Variants in MAP3K4 observed in about 807,000 individuals in gnomAD.
MAP3K4 encodes mitogen-activated protein kinase kinase kinase 4, also known as MAP three kinase 1.
In MAP3K4, 67 loss-of-function variants were observed where a neutral mutation model predicts 185.6. That is an observed-to-expected ratio of 0.36 (90% CI 0.30 to 0.44). The LOEUF is 0.44. MAP3K4 is among the 20% of genes least tolerant of loss of function. The pLI, the probability that MAP3K4 is intolerant of heterozygous loss-of-function variation, is 1.00. For synonymous variants in MAP3K4, 702 were observed against 710.4 expected (o/e 0.99, Z 0.19); for missense variants, 1,551 against 1,995.1 (o/e 0.78, Z 4.24).
chr6:161,042,819 C>A (rs1337432938), intron 2 of MAP3K4, among the ~76,000 whole-genome samples: 1 of 152,082 alleles, frequency 6.6e-6, no homozygotes, highest in Non-Finnish European at 1.5e-5. Context: ...TTTTGCATTT[C>A]TATTCTAGCA....
rs181574250 is a variant in MAP3K4 at position 160,999,015 on chromosome 6, G to A, written c.152+6932G>A. Among the ~76,000 whole-genome samples, 53 of 152,318 alleles carry A rather than the reference G, an allele frequency of 3.5e-4. 1 individual carries two copies. The highest frequency in any genetic ancestry group is 1.2e-3 in the African/African-American group (50 of 41,570). On this transcript the variant is annotated intron_variant, in intron 1 of 26. Transcript: ENST00000392142. ...GTTTCATGGGTCATATGGATGCCAC[G>A]TGTTTATAAATTAGCAGGGAAAGCT...
rs190359142 is a variant in MAP3K4 at position 161,104,355 on chromosome 6, G to A, written c.3856+1576G>A. Among the ~76,000 whole-genome samples the A allele has an allele frequency of 1.1e-3, 156 of 148,384 alleles. 2 individuals are homozygous for A. The highest frequency in any genetic ancestry group is 3.1e-3 in the African/African-American group (124 of 39,940). ...CTTGAACCCAGGAGGCAGAGGTTGC[G>A]GTGGGCTGAGATCGCGCCATCACAC... On this transcript the variant is annotated intron_variant, in intron 19 of 26. Transcript: ENST00000392142.
At chr6:160,993,407 A>G (rs813708) in intron 1 of MAP3K4, among the ~76,000 whole-genome samples, 3 of 152,162 alleles carry the variant, frequency 2.0e-5, no homozygotes, top group African/African-American at 4.8e-5. Context: ...AAAATAGGCC[A>G]TTGTCTTTAT....
chr6:161,094,093 A>T (rs1282768862), intron 15 of MAP3K4, among the ~76,000 whole-genome samples: 1 of 152,232 alleles, frequency 6.6e-6, no homozygotes, highest in Non-Finnish European at 1.5e-5. Flanking sequence ...GTATTCAATT[A>T]CACATTTCTT....
At chr6:161,059,862 C>CT (rs34694172) in intron 3 of MAP3K4, among the ~76,000 whole-genome samples, 79,257 of 146,678 alleles carry the variant, frequency 0.54, 21,333 homozygotes, top group South Asian at 0.65. Flanking sequence ...TTCCCCCTGC[C>CT]TTTTTTTTTT....
At chr6:161,089,777 T>C (rs1015761593) in intron 11 of MAP3K4, among the ~76,000 whole-genome samples, 5 of 152,236 alleles carry the variant, frequency 3.3e-5, no homozygotes, top group Non-Finnish European at 5.9e-5. Flanking sequence ...TCATTCCCAG[T>C]GTAAATTTCA....
At chr6:161,031,501 T>A (rs939667091) in intron 1 of MAP3K4, among the ~76,000 whole-genome samples, 2 of 152,190 alleles carry the variant, frequency 1.3e-5, no homozygotes, top group Non-Finnish European at 2.9e-5. Context: ...TCTTTATTTA[T>A]TTTTAAAAAA....
chr6:161,020,246 A>C (rs1782313491), intron 1 of MAP3K4, among the ~76,000 whole-genome samples: 1 of 151,464 alleles, frequency 6.6e-6, no homozygotes, highest in Non-Finnish European at 1.5e-5. Flanking sequence ...TGAGAACCTA[A>C]TGAAAACTAT....
At chr6:161,047,074 A>C (rs907044868) in intron 2 of MAP3K4, among the ~76,000 whole-genome samples, 1 of 145,640 alleles carries the variant, frequency 6.9e-6, no homozygotes, top group African/African-American at 2.5e-5. Context: ...ATTTAAAGAG[A>C]TCTTTTATAC....
chr6:160,998,861 A>G (rs1423878134), intron 1 of MAP3K4, among the ~76,000 whole-genome samples: 1 of 152,182 alleles, frequency 6.6e-6, no homozygotes, highest in African/African-American at 2.4e-5. Context: ...ACCCCTGCAG[A>G]TCTCACACTG....
rs1450456268 is a variant in MAP3K4 at position 161,071,424 on chromosome 6, CAT to C, written c.1950+577_1950+578del. 6.6e-6 allele frequency among the ~76,000 whole-genome samples: 1 copy of C among 152,106 alleles called. No individual in the cohort carries two copies. Among genetic ancestry groups the C allele is most frequent in the African/African-American group, 2.4e-5 (1 of 41,404 alleles). ...CTGTATTTATTATTTATGATATTAA[CAT>C]ATTGATATTCACCATATAAAGTAAA... On this transcript the variant is annotated intron_variant, in intron 4 of 26. Transcript: ENST00000392142. This position sits in a 1 kb window ranked among gnomAD's most constrained non-coding sequence, Gnocchi z 4.6.
At chr6:161,013,480 A>G (rs1041896851) in intron 1 of MAP3K4, among the ~76,000 whole-genome samples, 27 of 152,222 alleles carry the variant, frequency 1.8e-4, no homozygotes, top group African/African-American at 6.3e-4. Flanking sequence ...CTTTAATGCT[A>G]GAAACCCCAA....
At position 161,008,577 on chromosome 6, in the gene MAP3K4, A is replaced by C. The variant is rs754321705; in HGVS notation, c.152+16494A>C. 1.7e-4 allele frequency among the ~76,000 whole-genome samples: 26 copies of C among 152,176 alleles called. No individual in the cohort carries two copies. The highest frequency in any genetic ancestry group is 3.2e-4 in the Non-Finnish European group (22 of 68,024). ...TAGTTTCCCCTCTACTTTGTGTTTAAATTTTTGTATGATATTTATTGTTGT... is the reference window on the plus strand; with the variant it reads ...TAGTTTCCCCTCTACTTTGTGTTTACATTTTTGTATGATATTTATTGTTGT... On this transcript the variant is annotated intron_variant, in intron 1 of 26. Coordinates refer to ENST00000392142, the MANE Select transcript of MAP3K4 (RefSeq NM_005922.4). The surrounding 1 kb of genome is among the most constrained non-coding windows in gnomAD (Gnocchi z 4.1).
At position 161,098,186 on chromosome 6, in the gene MAP3K4, C is replaced by T. The variant is rs576131024; in HGVS notation, c.3525-92C>T. 3.8e-6 allele frequency: 5 copies of T among 1,314,264 alleles called. No individual in the cohort carries two copies. The highest frequency in any genetic ancestry group is 2.4e-5 in the East Asian group (1 of 41,118). 81.4% of individuals were successfully genotyped at this position (1,314,264 alleles called of 1,614,324 possible). ...TTTTATATTTTTAAATATATTTCACCCCCTTGCCATATTTTATTTTTAATT... is the reference window on the plus strand; with the variant it reads ...TTTTATATTTTTAAATATATTTCACTCCCTTGCCATATTTTATTTTTAATT... On this transcript the variant is annotated intron_variant, in intron 16 of 26. Coordinates refer to ENST00000392142, the MANE Select transcript of MAP3K4 (RefSeq NM_005922.4). The surrounding 1 kb of genome is among the most constrained non-coding windows in gnomAD (Gnocchi z 4.4).
intron 1 of MAP3K4, among the ~76,000 whole-genome samples, chr6:161,024,609 G>A (rs1782554347): frequency 1.3e-5 from 2 of 152,082 alleles, no homozygotes; most frequent in South Asian, 2.1e-4. Context: ...AGAAAGTCCC[G>A]CAACTTGGGT....
In MAP3K4 at chr6:161,088,284, G is replaced by A. The variant is rs893811758; in HGVS notation, c.2823+330G>A. Among the ~76,000 whole-genome samples the A allele has an allele frequency of 2.6e-5, 4 of 152,134 alleles. No homozygotes were observed. Among genetic ancestry groups the A allele is most frequent in the African/African-American group, 9.7e-5 (4 of 41,428 alleles). Reference sequence around the variant, plus strand: ...ATAATTTGTAGTTCTAGAAATCCCAGTTCTCCAAGTACTCAGGTTTACTGG... The same window carrying A: ...ATAATTTGTAGTTCTAGAAATCCCAATTCTCCAAGTACTCAGGTTTACTGG... On this transcript the variant is annotated intron_variant, in intron 10 of 26. Coordinates refer to ENST00000392142, the MANE Select transcript of MAP3K4 (RefSeq NM_005922.4). This position sits in a 1 kb window ranked among gnomAD's most constrained non-coding sequence, Gnocchi z 4.5.
At chr6:160,992,163 C>T (rs1780744907) in intron 1 of MAP3K4, 80 bp downstream of exon 1, 4 of 1,418,802 alleles carry the variant, frequency 2.8e-6, no homozygotes, top group Admixed American at 3.0e-5. Context: ...CCGAGGGCCT[C>T]TGCTTCCCGC....
intron 15 of MAP3K4, among the ~76,000 whole-genome samples, chr6:161,094,514 A>G (rs948623380): frequency 6.6e-6 from 1 of 152,240 alleles, no homozygotes; most frequent in South Asian, 2.1e-4. Flanking sequence ...GCCGTTCTTG[A>G]GATAGTTTGT....
In MAP3K4 at chr6:161,022,957, C is replaced by A. The variant is rs1476321516; in HGVS notation, c.153-11302C>A. ...AAATTCTTCATAACTTAATGGGTAA[C>A]AAATTACAGAGCTGATTGAAAACAT... On this transcript the variant is annotated intron_variant, in intron 1 of 26. Coordinates refer to ENST00000392142, the MANE Select transcript of MAP3K4 (RefSeq NM_005922.4). The surrounding 1 kb of genome is among the most constrained non-coding windows in gnomAD (Gnocchi z 4.2). 6.6e-6 allele frequency among the ~76,000 whole-genome samples: 1 copy of A among 152,146 alleles called. No individual in the cohort carries two copies. Among genetic ancestry groups the A allele is most frequent in the Non-Finnish European group, 1.5e-5 (1 of 68,026 alleles).
Sources: allele counts gnomAD v4.1 joint callset (sites outside exome capture counted in the v4.1 genomes callset), GRCh38; gene constraint gnomAD v4.1.1; non-coding constraint Gnocchi (gnomAD v3.1); transcripts MANE v1.5; gene names NCBI Gene and HGNC (gene_info 2026-07-23, HGNC 2026-07-21).